The following LRRC41 variants were observed in gnomAD, a reference collection of about 807,000 sequenced individuals.
LRRC41 encodes the protein leucine rich repeat containing 41, also known as leucine-rich repeat-containing protein 41.
In LRRC41, 17 loss-of-function variants were observed where a neutral mutation model predicts 72.1. The ratio of observed to expected loss-of-function variants is 0.24; its 90% CI spans 0.16 to 0.35. The LOEUF (loss-of-function observed/expected upper bound fraction) is 0.35. LRRC41 is among the 10% of genes least tolerant of loss of function. The probability of loss-of-function intolerance (pLI) is 1.00; values close to 1 mark genes in which losing one functional copy is unlikely to be tolerated. For missense variants in LRRC41, 759 were observed against 1,065.0 expected, an observed-to-expected ratio of 0.71 and a Z score of 4.00; for synonymous variants, 427 against 431.0, an observed-to-expected ratio of 0.99 and a Z score of 0.11.
chr1:46,303,518 T>G lies in LRRC41; in HGVS notation c.-196A>C, dbSNP rs1661295117. The G allele has an allele frequency of 1.4e-6, 1 of 737,390 alleles. No homozygotes were observed. Among genetic ancestry groups the G allele is most frequent in the Non-Finnish European group, 2.2e-6 (1 of 462,344 alleles). The allele number at this position is 737,390 out of a possible 1,614,324, so 45.7% of individuals were successfully genotyped here. On this transcript the variant is annotated 5_prime_UTR_variant, in exon 1 of 10. Coordinates refer to ENST00000617190, the MANE Select transcript of LRRC41 (RefSeq NM_006369.5). The stretch of plus-strand genomic sequence containing the variant: ...AACTCCTAGATCAATTATACTTGGG[T>G]GTGGTATGACTAAGGGGATGTTTCT...
In LRRC41 at chr1:46,302,116, G is replaced by A; in HGVS notation, c.199+1008C>T. 2.0e-6 allele frequency: 2 copies of A among 984,998 alleles called. No homozygotes were observed. Among genetic ancestry groups the A allele is most frequent in the African/African-American group, 1.7e-5 (1 of 57,254 alleles). The allele number at this position is 984,998 out of a possible 1,614,324, so 61.0% of individuals were successfully genotyped here. On this transcript the variant is annotated intron_variant, in intron 1 of 9. Coordinates refer to ENST00000617190, the MANE Select transcript of LRRC41 (RefSeq NM_006369.5). The surrounding 1 kb of genome is among the most constrained non-coding windows in gnomAD (Gnocchi z 4.7). Reference sequence around the variant, plus strand: ...TTCGCCCTCCCCGGCCGTTCATCCCGGCGCCCCAGGCCGCCCTCCATCCAG... The same window carrying A: ...TTCGCCCTCCCCGGCCGTTCATCCCAGCGCCCCAGGCCGCCCTCCATCCAG...
chr1:46,277,661 C>A lies in LRRC41; in HGVS notation c.*1204G>T. On this transcript the variant is annotated 3_prime_UTR_variant, in exon 10 of 10. Coordinates refer to ENST00000617190, the MANE Select transcript of LRRC41 (RefSeq NM_006369.5). ...CAGGAGACAGACTGGGAAAATGGAC[C>A]TCAGCTGAGTAGAGATAATGTTCTG... The A allele has an allele frequency of 2.4e-6, 2 of 846,516 alleles. No individual in the cohort carries two copies. Among genetic ancestry groups the A allele is most frequent in the Non-Finnish European group, 1.9e-6 (1 of 533,298 alleles). 52.4% of individuals were successfully genotyped at this position (846,516 alleles called of 1,614,324 possible). A position where few individuals can be genotyped will look rare whatever the true frequency, so the allele number is the denominator to read the frequency against.
chr1:46,302,090 G>A lies in LRRC41; in HGVS notation c.199+1034C>T. 3.0e-6 allele frequency: 3 copies of A among 985,190 alleles called. No homozygotes were observed. Among genetic ancestry groups the A allele is most frequent in the Non-Finnish European group, 3.6e-6 (3 of 829,834 alleles). The allele number at this position is 985,190 out of a possible 1,614,324, so 61.0% of individuals were successfully genotyped here. On this transcript the variant is annotated intron_variant, in intron 1 of 9. Transcript: ENST00000617190. This position sits in a 1 kb window ranked among gnomAD's most constrained non-coding sequence, Gnocchi z 4.7. Reference sequence around the variant, plus strand: ...CCCCGCCTCCCAGCCCAACTGGCCGGTTCGCCCTCCCCGGCCGTTCATCCC... The same window carrying A: ...CCCCGCCTCCCAGCCCAACTGGCCGATTCGCCCTCCCCGGCCGTTCATCCC...
At position 46,285,526 on chromosome 1, in the gene LRRC41, T is replaced by G. The variant is rs764088476; in HGVS notation, c.1331A>C (p.Asp444Ala). ...EVACGALDGS[D>A]PSCLGLPALE... ...TGCTGGAAGCCCCAGGCAGCTGGGA[T>G]CTGATCCATCCAAAGCTCCACAAGC... Residue 444 changes from aspartate to alanine, a missense_variant, in exon 4 of 10, where the codon GAT becomes GCT. By Grantham distance (126) the Asp-to-Ala change is moderately radical (BLOSUM62 -2). Transcript: ENST00000617190. The surrounding 1 kb of genome is among the most constrained non-coding windows in gnomAD (Gnocchi z 5.3). 6.2e-7 allele frequency: 1 copy of G among 1,614,058 alleles called. No individual in the cohort carries two copies. The highest frequency in any genetic ancestry group is 8.5e-7 in the Non-Finnish European group (1 of 1,179,998).
chr1:46,292,956 C>T (rs544400902), intron 3 of LRRC41, among the ~76,000 whole-genome samples: 17 of 152,196 alleles, frequency 1.1e-4, no homozygotes, highest in Non-Finnish European at 2.2e-4. Flanking sequence ...GAGACCGAGG[C>T]GGGTGGATCA....
Position 46,278,520 on chromosome 1 carries a change from T to A in LRRC41, c.*345A>T. The A allele has an allele frequency of 1.6e-6, 1 of 626,032 alleles. No individual in the cohort carries two copies. The allele number at this position is 626,032 out of a possible 1,614,324, so 38.8% of individuals were successfully genotyped here. On this transcript the variant is annotated 3_prime_UTR_variant, in exon 10 of 10. Transcript: ENST00000617190. ...TAAGCCCAGCAGGGAAGAAGCCCCC[T>A]ATACTTCTCTAAAGCCTGGGTGCCT...
intron 3 of LRRC41, among the ~76,000 whole-genome samples, chr1:46,293,395 AC>A (rs935356331): frequency 7.2e-5 from 11 of 151,738 alleles, no homozygotes; most frequent in South Asian, 2.1e-4. Context: ...GCACACCAGC[AC>A]CCCCAGCTAA....
intron 3 of LRRC41, among the ~76,000 whole-genome samples, chr1:46,296,367 A>C (rs1336846655): frequency 6.6e-6 from 1 of 152,240 alleles, no homozygotes; most frequent in Non-Finnish European, 1.5e-5. Flanking sequence ...CAGTGAGCCA[A>C]GATTGCGCCA....
chr1:46,289,112 G>A (rs146431805), intron 3 of LRRC41, among the ~76,000 whole-genome samples: 134 of 152,288 alleles, frequency 8.8e-4, no homozygotes, highest in Admixed American at 3.6e-3. Flanking sequence ...GTAAATACTG[G>A]ACTTTTTCAG....
Position 46,278,162 on chromosome 1 carries a change from C to G in LRRC41, c.*703G>C, listed in dbSNP as rs1227675246. On this transcript the variant is annotated 3_prime_UTR_variant, in exon 10 of 10. Transcript: ENST00000617190. Reference sequence around the variant, plus strand: ...CTTCAGACCTGGCAGGGTGGAACCACTGCACTGATAAGTGGGGGCTCCGGG... The same window carrying G: ...CTTCAGACCTGGCAGGGTGGAACCAGTGCACTGATAAGTGGGGGCTCCGGG... 3.1e-6 allele frequency: 5 copies of G among 1,613,766 alleles called. No homozygotes were observed. Among genetic ancestry groups the G allele is most frequent in the East Asian group, 4.5e-5 (2 of 44,894 alleles).
At position 46,302,799 on chromosome 1, in the gene LRRC41, C is replaced by T. The variant is rs1217781381; in HGVS notation, c.199+325G>A. 2.0e-6 allele frequency: 2 copies of T among 985,114 alleles called. No individual in the cohort carries two copies. Among genetic ancestry groups the T allele is most frequent in the Non-Finnish European group, 2.4e-6 (2 of 829,820 alleles). 61.0% of individuals were successfully genotyped at this position (985,114 alleles called of 1,614,324 possible). ...CCGAGACTCTCCTGCCCGGCCCAGCCGAGTGTCAGTTCGCGCGGCCCACAG... is the reference window on the plus strand; with the variant it reads ...CCGAGACTCTCCTGCCCGGCCCAGCTGAGTGTCAGTTCGCGCGGCCCACAG... On this transcript the variant is annotated intron_variant, in intron 1 of 9. Coordinates refer to ENST00000617190, the MANE Select transcript of LRRC41 (RefSeq NM_006369.5). The surrounding 1 kb of genome is among the most constrained non-coding windows in gnomAD (Gnocchi z 4.7).
rs1205330592 is a variant in LRRC41, at chr1:46,279,150, C to T, written c.2219+32G>A. 1 of 1,612,880 alleles carries T rather than the reference C, an allele frequency of 6.2e-7. No individual in the cohort carries two copies. The stretch of plus-strand genomic sequence containing the variant: ...ATTCCTGGTCTATATCTCTGTAGCC[C>T]CATCCCTTGTCTTGCCCCTCCCCTC... On this transcript the variant is annotated intron_variant, in intron 9 of 9. Transcript: ENST00000617190. The surrounding 1 kb of genome is among the most constrained non-coding windows in gnomAD (Gnocchi z 4.5).
rs1164186138 is a variant in LRRC41 at position 46,285,479 on chromosome 1, G to A, written c.1378C>T (p.Arg460Cys). The A allele has an allele frequency of 6.2e-7, 1 of 1,614,092 alleles. No homozygotes were observed. The highest frequency in any genetic ancestry group is 1.1e-5 in the South Asian group (1 of 91,080). The change falls in exon 4 of 10, where the codon CGC becomes TGC. Residue 460 changes from arginine (R) to cysteine (C), a missense_variant. By Grantham distance (180) the Arg-to-Cys change is radical. Coordinates refer to ENST00000617190, the MANE Select transcript of LRRC41 (RefSeq NM_006369.5). This position sits in a 1 kb window ranked among gnomAD's most constrained non-coding sequence, Gnocchi z 5.3. ...AATAGCTCCAAGGTGGAGATGCTGC[G>A]GAATCTTTGTGAAGCTTCCAGTGCT... ...LPALEASQRF[R>C]SISTLELFTV...
rs6676957 is a variant in LRRC41, at chr1:46,283,561, A to C, written c.1495+1801T>G. Among the ~76,000 whole-genome samples the C allele has an allele frequency of 8.2e-3, 1,246 of 152,316 alleles. 19 individuals are homozygous for C. Among genetic ancestry groups the C allele is most frequent in the Middle Eastern group, 0.037 (11 of 294 alleles). On this transcript the variant is annotated intron_variant, in intron 4 of 9. Transcript: ENST00000617190. ...GCTGGATAAATGGGTCTGGAAGTTC[A>C]AGAGAAAGATCTGGGGTAATGTCAC...
At position 46,294,838 on chromosome 1, in the gene LRRC41, C is replaced by T. The variant is rs1028930516; in HGVS notation, c.357+2725G>A. ...TTGAACTCCTGATTTCGTGATCCAC[C>T]CGCGTTGGCCTCTCAAAGTGCTGGC... On this transcript the variant is annotated intron_variant, in intron 3 of 9. Coordinates refer to ENST00000617190, the MANE Select transcript of LRRC41 (RefSeq NM_006369.5). Among the ~76,000 whole-genome samples, 52 of 152,056 alleles carry T rather than the reference C, an allele frequency of 3.4e-4. 1 individual carries two copies. Among genetic ancestry groups the T allele is most frequent in the South Asian group, 2.1e-4 (1 of 4,824 alleles).
rs1428302313 is a variant in LRRC41, at chr1:46,278,948, G to A, written c.2356C>T (p.Arg786Trp). The A allele has an allele frequency of 6.2e-7, 1 of 1,613,972 alleles. No homozygotes were observed. Among genetic ancestry groups the A allele is most frequent in the Admixed American group, 1.7e-5 (1 of 60,022 alleles). Residue 786 changes from arginine (R) to tryptophan (W), a missense_variant, in exon 10 of 10, where the codon CGG becomes TGG. Transcript: ENST00000617190. ...QDAVTAREAI[R>W]RLRATCHVVS... The stretch of plus-strand genomic sequence containing the variant: ...ACATGGCAGGTAGCCCGGAGCCGCC[G>A]GATGGCTTCCCTGGCTGTGACTGCA...
chr1:46,297,867 A>G (rs572452477), intron 2 of LRRC41, among the ~76,000 whole-genome samples: 2 of 152,218 alleles, frequency 1.3e-5, no homozygotes, highest in Non-Finnish European at 2.9e-5. Flanking sequence ...TAAAATGTTA[A>G]TAACAGCTAT....
Position 46,279,919 on chromosome 1 carries a change from C to T in LRRC41, c.2020+273G>A, listed in dbSNP as rs1035857722. Among the ~76,000 whole-genome samples, 1 of 152,190 alleles carries T rather than the reference C, an allele frequency of 6.6e-6. No individual in the cohort carries two copies. The highest frequency in any genetic ancestry group is 2.4e-5 in the African/African-American group (1 of 41,444). ...AAAAGTCTATGAGGGGAGCCTGGCA[C>T]AGTACATTTATTTTGCCCCACCACC... is the stretch of plus-strand genomic sequence containing the variant. On this transcript the variant is annotated intron_variant, in intron 7 of 9. Coordinates refer to ENST00000617190, the MANE Select transcript of LRRC41 (RefSeq NM_006369.5). The surrounding 1 kb of genome is among the most constrained non-coding windows in gnomAD (Gnocchi z 4.5).
At position 46,286,624 on chromosome 1, in the gene LRRC41, T is replaced by A. The variant is rs1467271892; in HGVS notation, c.358-125A>T. The A allele has an allele frequency of 2.2e-6, 2 of 906,628 alleles. No individual in the cohort carries two copies. Among genetic ancestry groups the A allele is most frequent in the Admixed American group, 2.9e-5 (1 of 35,014 alleles). The allele number at this position is 906,628 out of a possible 1,614,324, so 56.2% of individuals were successfully genotyped here. On this transcript the variant is annotated intron_variant, in intron 3 of 9. Transcript: ENST00000617190. The surrounding 1 kb of genome is among the most constrained non-coding windows in gnomAD (Gnocchi z 5.5). ...ACTACAAATTCATTTAATCTTCACA[T>A]CTCTGAGGTATGTATTATTATTAGC... is the stretch of plus-strand genomic sequence containing the variant.
Sources: gnomAD v4.1 joint callset for allele counts (sites outside exome capture counted in the v4.1 genomes callset) on GRCh38, gnomAD v4.1.1 for gene constraint, Gnocchi (gnomAD v3.1) non-coding constraint, MANE v1.5 for transcripts, NCBI Gene and HGNC (gene_info 2026-07-23, HGNC 2026-07-21) for gene names.